Variants in LRP1B observed in about 807,000 individuals in gnomAD.
LRP1B encodes the protein low-density lipoprotein receptor-related protein 1B.
LRP1B carries 217 observed loss-of-function variants against 556.6 expected under a neutral mutation model. The ratio of observed to expected loss-of-function variants is 0.39; its 90% CI spans 0.35 to 0.44. The LOEUF is 0.44. LRP1B is among the 20% of genes least tolerant of loss of function. The pLI is 1.00. For synonymous variants in LRP1B, 2,047 were observed against 1,865.8 expected (o/e 1.10, Z -2.50); for missense variants, 5,053 against 5,620.8 (o/e 0.90, Z 3.23).
At chr2:140,881,141 A>T (rs901042026) in intron 25 of LRP1B, among the ~76,000 whole-genome samples, 7 of 152,126 alleles carry the variant, frequency 4.6e-5, no homozygotes, top group African/African-American at 1.7e-4. Context: ...AGTTTGAGAA[A>T]TTGGGGAAAA....
At chr2:141,524,887 A>G (rs1490200986) in intron 2 of LRP1B, among the ~76,000 whole-genome samples, 2 of 152,112 alleles carry the variant, frequency 1.3e-5, no homozygotes, top group Non-Finnish European at 2.9e-5. Context: ...AAAACAGTGC[A>G]ACCTGATGCA....
chr2:140,506,247 T>C (rs1311206700), intron 53 of LRP1B, among the ~76,000 whole-genome samples: 1 of 152,076 alleles, frequency 6.6e-6, no homozygotes, highest in East Asian at 1.9e-4. Context: ...AATTTATTTA[T>C]TTATGTATTT....
At chr2:140,370,447 G>A (rs538926610) in intron 71 of LRP1B, among the ~76,000 whole-genome samples, 25 of 151,984 alleles carry the variant, frequency 1.6e-4, no homozygotes, top group East Asian at 1.9e-4. Flanking sequence ...TACTTGACCC[G>A]GCATCTAGTC....
intron 43 of LRP1B, among the ~76,000 whole-genome samples, chr2:140,548,319 T>C (rs767666344): frequency 3.7e-4 from 57 of 152,184 alleles, no homozygotes; most frequent in Non-Finnish European, 7.8e-4. Context: ...CTAATTTAAG[T>C]GTTTTACTAA....
intron 7 of LRP1B, among the ~76,000 whole-genome samples, chr2:141,094,976 G>C (rs1700261476): frequency 6.6e-6 from 1 of 152,128 alleles, no homozygotes; most frequent in South Asian, 2.1e-4. Context: ...AGAGAGTGGG[G>C]CCTAGTGAGA....
chr2:141,838,873 A>G (rs191000617), intron 1 of LRP1B, among the ~76,000 whole-genome samples: 87 of 152,282 alleles, frequency 5.7e-4, no homozygotes, highest in Admixed American at 3.1e-3. Context: ...TCTCTGTTAT[A>G]GTACTATGAT....
intron 11 of LRP1B, among the ~76,000 whole-genome samples, chr2:141,021,811 G>A (rs938396304): frequency 1.3e-5 from 2 of 151,922 alleles, no homozygotes; most frequent in African/African-American, 4.8e-5. Context: ...TCAGGAAAGT[G>A]AAGATTATCA....
At chr2:141,494,979 A>G (rs1286169452) in intron 2 of LRP1B, among the ~76,000 whole-genome samples, 1 of 152,010 alleles carries the variant, frequency 6.6e-6, no homozygotes, top group Non-Finnish European at 1.5e-5. Flanking sequence ...CCTTACATTT[A>G]TGGACAATTC....
In LRP1B at chr2:141,117,786, T is replaced by C. The variant is rs1226277337; in HGVS notation, c.1014-55513A>G. On this transcript the variant is annotated intron_variant, in intron 7 of 90. Coordinates refer to ENST00000389484, the MANE Select transcript of LRP1B (RefSeq NM_018557.3). ...CTTCAAATCATGCAAGTTTGAAAAA[T>C]ATCGAGGCAATGGGTCATTCCCTGG... Among the ~76,000 whole-genome samples the C allele has an allele frequency of 2.0e-5, 3 of 152,046 alleles. No individual in the cohort carries two copies. The East Asian group carries it at 5.8e-4, about 29-fold the overall frequency.
chr2:141,623,623 T>C (rs1688583963), intron 2 of LRP1B, among the ~76,000 whole-genome samples: 1 of 152,088 alleles, frequency 6.6e-6, no homozygotes, highest in South Asian at 2.1e-4. Flanking sequence ...TTCACCCACT[T>C]TGGTGTAGAG....
At chr2:140,872,082 ATT>A (rs35149993) in intron 25 of LRP1B, among the ~76,000 whole-genome samples, 56,790 of 109,588 alleles carry the variant, frequency 0.52, 14,534 homozygotes, top group Middle Eastern at 0.64. Flanking sequence ...AGGACCTTGT[ATT>A]TTTTTTTTTT....
intron 18 of LRP1B, among the ~76,000 whole-genome samples, chr2:140,980,427 G>A (rs193258024): frequency 2.0e-5 from 3 of 152,238 alleles, no homozygotes; most frequent in African/African-American, 2.4e-5. Context: ...TATTGGTCAG[G>A]CTCCAGATAT....
chr2:140,291,325 T>TATATATA (rs1449270404), intron 84 of LRP1B, among the ~76,000 whole-genome samples: 15 of 132,588 alleles, frequency 1.1e-4, no homozygotes, highest in South Asian at 2.5e-4. Flanking sequence ...TATATTTTTA[T>TATATATA]TATACTTTAA....
At chr2:142,006,845 G>C (rs533276246) in intron 1 of LRP1B, among the ~76,000 whole-genome samples, 3 of 152,268 alleles carry the variant, frequency 2.0e-5, no homozygotes, top group East Asian at 1.9e-4. Context: ...AAGTTGGAAA[G>C]ATGGGATTTT....
chr2:141,102,740 G>A (rs898852449), intron 7 of LRP1B, among the ~76,000 whole-genome samples: 3 of 152,072 alleles, frequency 2.0e-5, no homozygotes, highest in African/African-American at 7.2e-5. Flanking sequence ...TAGGCCATAA[G>A]TGAGTTCTAC....
chr2:141,770,530 G>A lies in LRP1B; in HGVS notation c.205+39749C>T, dbSNP rs10164495. On this transcript the variant is annotated intron_variant, in intron 2 of 90. Transcript: ENST00000389484. ...GCTACAAACAGCGTCATAACTGACT[G>A]CCACAGCTATAAATATAGAGAAGCG... 2.0e-5 allele frequency among the ~76,000 whole-genome samples: 3 copies of A among 152,228 alleles called. No homozygotes were observed. The Middle Eastern group carries it at 0.01, about 518-fold the overall frequency.
At chr2:141,729,213 C>A (rs931212617) in intron 2 of LRP1B, among the ~76,000 whole-genome samples, 20 of 152,130 alleles carry the variant, frequency 1.3e-4, no homozygotes, top group Admixed American at 2.0e-4. Context: ...CTACAGCTTC[C>A]CCTGACAGCT....
chr2:141,346,999 A>C (rs1559020809), intron 3 of LRP1B, among the ~76,000 whole-genome samples: 1 of 152,260 alleles, frequency 6.6e-6, no homozygotes, highest in African/African-American at 2.4e-5. Context: ...AACCGGAATA[A>C]AAATTTTCAC....
At chr2:142,010,718 A>G (rs927780947) in intron 1 of LRP1B, among the ~76,000 whole-genome samples, 2 of 152,120 alleles carry the variant, frequency 1.3e-5, no homozygotes, top group Non-Finnish European at 2.9e-5. Context: ...CCTACTAAGA[A>G]TCACTTACAT....
Sources: gnomAD v4.1 joint callset for allele counts (sites outside exome capture counted in the v4.1 genomes callset) on GRCh38, gnomAD v4.1.1 for gene constraint, MANE v1.5 for transcripts, NCBI Gene and HGNC (gene_info 2026-07-23, HGNC 2026-07-21) for gene names.